The following ABCD3 variants were observed in gnomAD, a reference collection of about 807,000 sequenced individuals.
ABCD3 encodes the protein ATP binding cassette subfamily D member 3, also known as ATP-binding cassette sub-family D member 3.
ABCD3 carries 41 observed loss-of-function variants against 105.5 expected under a neutral mutation model. The observed-to-expected ratio is 0.39, with a 90% CI of 0.30 to 0.50. ABCD3 has a LOEUF of 0.50. ABCD3 is among the 20% of genes least tolerant of loss of function. The pLI, the probability that ABCD3 is intolerant of heterozygous loss-of-function variation, is 0.84. For synonymous variants in ABCD3, 258 were observed against 269.0 expected (o/e 0.96, Z 0.40); for missense variants, 622 against 806.3 (o/e 0.77, Z 2.77).
chr1:94,448,868 G>A (rs983570306), intron 1 of ABCD3, among the ~76,000 whole-genome samples: 7 of 152,248 alleles, frequency 4.6e-5, no homozygotes, highest in African/African-American at 1.7e-4. Flanking sequence ...TGAAACAGCA[G>A]TTGCAAAAGC....
At chr1:94,450,980 G>A (rs1340499607) in intron 1 of ABCD3, among the ~76,000 whole-genome samples, 4 of 152,108 alleles carry the variant, frequency 2.6e-5, no homozygotes, top group African/African-American at 9.7e-5. Flanking sequence ...ATGAGCATTT[G>A]TTGTGGTGTA....
chr1:94,467,801 C>T (rs541817321), intron 3 of ABCD3, 118 bp from the exon 4 acceptor site: 186 of 696,652 alleles, frequency 2.7e-4, no homozygotes, highest in Non-Finnish European at 4.5e-4. Context: ...TGTCAGCCAA[C>T]TATATTGAAA....
intron 1 of ABCD3, among the ~76,000 whole-genome samples, chr1:94,452,259 C>A (rs576788396): frequency 2.0e-5 from 3 of 152,186 alleles, no homozygotes; most frequent in Admixed American, 6.5e-5. Flanking sequence ...ATTTTAAAGA[C>A]GAGTAGTAAT....
intron 1 of ABCD3, among the ~76,000 whole-genome samples, chr1:94,441,305 A>G (rs1660125640): frequency 1.3e-5 from 2 of 152,238 alleles, no homozygotes; most frequent in Non-Finnish European, 2.9e-5. Flanking sequence ...ATCTATACTA[A>G]GATACTGTTT....
intron 1 of ABCD3, 86 bp from the exon 2 acceptor site, chr1:94,458,521 T>A: frequency 1.7e-6 from 2 of 1,150,410 alleles, no homozygotes; most frequent in Non-Finnish European, 2.6e-6. Flanking sequence ...TTTAAATAAT[T>A]TGGTATATTT....
At chr1:94,395,883 AAGAG>A in the ABCD3 span, among the ~76,000 whole-genome samples, 23 of 151,820 alleles carry the variant, frequency 1.5e-4, no homozygotes, top group South Asian at 4.2e-4. Context: ...GACAGACAGA[AAGAG>A]AGAGACACAC....
chr1:94,446,670 G>A (rs1008383079), intron 1 of ABCD3, among the ~76,000 whole-genome samples: 3 of 152,256 alleles, frequency 2.0e-5, no homozygotes, highest in Non-Finnish European at 4.4e-5. Flanking sequence ...ACTATTCAGG[G>A]AAAGAAATTT....
intron 1 of ABCD3, among the ~76,000 whole-genome samples, chr1:94,425,633 ATTAC>A: frequency 6.6e-6 from 1 of 152,214 alleles, no homozygotes; most frequent in Non-Finnish European, 1.5e-5. Context: ...AGGTTGATGT[ATTAC>A]TTTTCATGAG....
the ABCD3 span, among the ~76,000 whole-genome samples, chr1:94,387,940 C>A: frequency 6.6e-6 from 1 of 152,098 alleles, no homozygotes; most frequent in African/African-American, 2.4e-5. Flanking sequence ...CTGCACTGAG[C>A]ACTTATGATA....
At chr1:94,433,299 C>A (rs755711152) in intron 1 of ABCD3, among the ~76,000 whole-genome samples, 123 of 151,872 alleles carry the variant, frequency 8.1e-4, no homozygotes, top group Admixed American at 1.2e-3. Flanking sequence ...GGATTACAGG[C>A]ATGTGCCACC....
the ABCD3 span, among the ~76,000 whole-genome samples, chr1:94,404,664 G>A: frequency 4.0e-5 from 6 of 151,272 alleles, no homozygotes; most frequent in South Asian, 1.3e-3. Flanking sequence ...TCCCCTTGTA[G>A]GTCACAAATT....
chr1:94,498,849 G>T lies in ABCD3; in HGVS notation c.1530+1G>T. On this transcript the variant is annotated splice_donor_variant, in intron 18 of 22. Coordinates refer to ENST00000370214, the MANE Select transcript of ABCD3 (RefSeq NM_002858.4). LOFTEE classifies it high-confidence loss of function. ...AGGAAAATTATTTTATGTTCCTCAG[G>T]TAAGACCTAGCTTGAGTTATCTTTG... 1 of 1,613,388 alleles carries T rather than the reference G, an allele frequency of 6.2e-7. No individual in the cohort carries two copies. The highest frequency in any genetic ancestry group is 8.5e-7 in the Non-Finnish European group (1 of 1,179,548).
chr1:94,507,247 T>G (rs555634897), intron 21 of ABCD3, among the ~76,000 whole-genome samples: 1 of 152,244 alleles, frequency 6.6e-6, no homozygotes, highest in East Asian at 1.9e-4. Context: ...GGTGTTTAGT[T>G]TTTTGTTCTT....
chr1:94,449,478 A>G (rs1053419806), intron 1 of ABCD3, among the ~76,000 whole-genome samples: 4 of 152,206 alleles, frequency 2.6e-5, no homozygotes, highest in South Asian at 2.1e-4. Flanking sequence ...ATATTTATCA[A>G]TCTTGGCTGG....
chr1:94,455,228 A>G (rs921568566), intron 1 of ABCD3, among the ~76,000 whole-genome samples: 3 of 152,250 alleles, frequency 2.0e-5, no homozygotes, highest in African/African-American at 4.8e-5. Flanking sequence ...GCCATTAAAA[A>G]TATCTTTTAT....
At chr1:94,476,905 C>G (rs978427030) in intron 7 of ABCD3, among the ~76,000 whole-genome samples, 2 of 151,800 alleles carry the variant, frequency 1.3e-5, no homozygotes, top group Admixed American at 6.6e-5. Flanking sequence ...CTCTCTGTCT[C>G]TGTGTGTGTA....
At chr1:94,425,996 G>A (rs570582136) in intron 1 of ABCD3, among the ~76,000 whole-genome samples, 2 of 152,304 alleles carry the variant, frequency 1.3e-5, no homozygotes, top group African/African-American at 4.8e-5. Flanking sequence ...CAGCAGTTAA[G>A]TGAGGATTAA....
At chr1:94,515,726 T>G (rs1650885520) in intron 22 of ABCD3, among the ~76,000 whole-genome samples, 1 of 151,982 alleles carries the variant, frequency 6.6e-6, no homozygotes, top group Admixed American at 6.6e-5. Flanking sequence ...GCTTCAGTAG[T>G]GCCATTCTCA....
intron 1 of ABCD3, among the ~76,000 whole-genome samples, chr1:94,447,510 G>C (rs906420372): frequency 3.3e-5 from 5 of 152,346 alleles, no homozygotes; most frequent in Non-Finnish European, 7.3e-5. Context: ...CCTACAGCCT[G>C]CTAAGTGTTT....
Sources: gnomAD v4.1 joint callset for allele counts (sites outside exome capture counted in the v4.1 genomes callset) on GRCh38, gnomAD v4.1.1 for gene constraint, MANE v1.5 for transcripts, NCBI Gene and HGNC (gene_info 2026-07-23, HGNC 2026-07-21) for gene names.